Variants in REEP1 observed in about 807,000 individuals in gnomAD.
REEP1 encodes receptor expression-enhancing protein 1.
REEP1 carries 22 observed loss-of-function variants against 40.3 expected under a neutral mutation model. The ratio of observed to expected loss-of-function variants is 0.55; its 90% CI spans 0.39 to 0.78. The LOEUF is 0.78. Among genes scored for constraint, REEP1 ranks in the 30% least tolerant of loss-of-function variants. The pLI, the probability that REEP1 is intolerant of heterozygous loss-of-function variation, is 0.00. For missense variants in REEP1, 280 were observed against 361.1 expected (o/e 0.78, Z 1.82); for synonymous variants, 116 against 139.2 (o/e 0.83, Z 1.17).
At chr2:86,239,630 A>G (rs1322129931) in intron 5 of REEP1, among the ~76,000 whole-genome samples, 2 of 152,152 alleles carry the variant, frequency 1.3e-5, no homozygotes, top group Non-Finnish European at 2.9e-5. Flanking sequence ...CAGGCTCCCA[A>G]TGACATGCTG....
At chr2:86,243,958 A>C (rs2104152490) in intron 5 of REEP1, among the ~76,000 whole-genome samples, 1 of 152,326 alleles carries the variant, frequency 6.6e-6, no homozygotes. Context: ...GTAGAGACTA[A>C]AGCCAGAGAG....
chr2:86,226,099 C>CCACCATCAT (rs1674675308), intron 7 of REEP1, among the ~76,000 whole-genome samples: 1 of 145,832 alleles, frequency 6.9e-6, no homozygotes, highest in Non-Finnish European at 1.5e-5. Flanking sequence ...ACCACCACCA[C>CCACCATCAT]CACCACCACC....
chr2:86,219,268 T>A (rs1028273263), intron 8 of REEP1, among the ~76,000 whole-genome samples: 10 of 152,350 alleles, frequency 6.6e-5, no homozygotes, highest in Non-Finnish European at 1.5e-4. Context: ...TGAACAAGCC[T>A]TGTTCTTATT....
chr2:86,278,363 AT>A (rs1296371011), intron 2 of REEP1, among the ~76,000 whole-genome samples: 2 of 152,202 alleles, frequency 1.3e-5, no homozygotes, highest in African/African-American at 4.8e-5. Flanking sequence ...GGAATGCTGA[AT>A]ATTAAGGTTG....
At chr2:86,294,844 A>G (rs887232059) in intron 1 of REEP1, among the ~76,000 whole-genome samples, 13 of 152,180 alleles carry the variant, frequency 8.5e-5, no homozygotes, top group African/African-American at 3.1e-4. Flanking sequence ...AGAAATTACC[A>G]TGATTCCAGG....
intron 5 of REEP1, among the ~76,000 whole-genome samples, chr2:86,236,062 T>C (rs1259027775): frequency 6.6e-6 from 1 of 151,900 alleles, no homozygotes; most frequent in Non-Finnish European, 1.5e-5. Flanking sequence ...ACTAAAAATA[T>C]AAAATTAGCC....
chr2:86,224,211 G>A (rs1042342289), intron 7 of REEP1, among the ~76,000 whole-genome samples: 1 of 152,216 alleles, frequency 6.6e-6, no homozygotes, highest in African/African-American at 2.4e-5. Context: ...GGATCCTGGG[G>A]CTCTGCATGG....
Position 86,337,480 on chromosome 2 carries a change from C to T in REEP1, c.31G>A (p.Val11Met). 1 of 1,295,200 alleles carries T rather than the reference C, an allele frequency of 7.7e-7. No homozygotes were observed. 80.2% of individuals were successfully genotyped at this position (1,295,200 alleles called of 1,614,324 possible). ...GGCGCGGGGGAGAAGGCCACTTACA[C>T]CACCAGCCTGGAGATGATCCATGAC... Reference protein sequence around the residue: MVSWIISRLVVLIFGTLYPAY... With the variant: MVSWIISRLVMLIFGTLYPAY... Residue 11 changes from valine to methionine, a missense_variant and splice_region_variant, in exon 1 of 9, where the codon GTG (valine) becomes ATG (methionine). This residue lies in a region of REEP1 where 68 missense variants were observed against 83.7 expected (regional missense o/e 0.81). Transcript: ENST00000538924. This position sits in a 1 kb window ranked among gnomAD's most constrained non-coding sequence, Gnocchi z 5.8.
intron 1 of REEP1, among the ~76,000 whole-genome samples, chr2:86,284,803 G>C (rs1448844752): frequency 3.3e-5 from 5 of 152,206 alleles, no homozygotes; most frequent in African/African-American, 9.6e-5. Flanking sequence ...GGCAAGACAG[G>C]AAGGCCTGTG....
chr2:86,267,886 A>T (rs1022437037), intron 2 of REEP1, among the ~76,000 whole-genome samples: 2 of 152,100 alleles, frequency 1.3e-5, no homozygotes, highest in Non-Finnish European at 2.9e-5. Context: ...AAAAACGTGC[A>T]AAGGGCCCAT....
At chr2:86,231,629 G>C (rs1243994882) in intron 6 of REEP1, among the ~76,000 whole-genome samples, 2 of 152,174 alleles carry the variant, frequency 1.3e-5, no homozygotes, top group Non-Finnish European at 2.9e-5. Context: ...GCAGTCACCA[G>C]ACAGACATTG....
intron 3 of REEP1, among the ~76,000 whole-genome samples, chr2:86,255,270 CA>C (rs35237138): frequency 0.42 from 63,648 of 151,834 alleles, 14,824 homozygotes; most frequent in East Asian, 0.66. Context: ...GAAGAGTTGA[CA>C]AAAAAATCTC....
rs762772312 is a variant in REEP1 at position 86,217,064 on chromosome 2, G to T, written c.830C>A (p.Ser277Ter). The change falls in exon 9 of 9, where the codon TCA becomes TAA. Residue 277 changes from serine to a stop codon, truncating the protein, a stop_gained. Transcript: ENST00000538924. LOFTEE classifies it high-confidence loss of function. ...LRSRFRKKST[S>*]SSATETT ...TCACGTGGTTTCGGTGGCCGAGGAT[G>T]AGGTACTTTTCTTCCTGAAGCGAGA... 2.5e-6 allele frequency: 4 copies of T among 1,614,114 alleles called. No individual in the cohort carries two copies. The highest frequency in any genetic ancestry group is 4.5e-5 in the East Asian group (2 of 44,884).
Position 86,217,292 on chromosome 2 carries a change from T to C in REEP1, c.784-182A>G, listed in dbSNP as rs548797558. Among the ~76,000 whole-genome samples the C allele has an allele frequency of 2.0e-5, 3 of 152,308 alleles. No homozygotes were observed. The East Asian group carries it at 5.8e-4, about 29-fold the overall frequency. On this transcript the variant is annotated intron_variant, in intron 8 of 8. Transcript: ENST00000538924. Reference sequence around the variant, plus strand: ...AATCATCAGAGTCCCATCCCACATATCGCATGAAGCTGAGCCCTTTGAGAG... The same window carrying C: ...AATCATCAGAGTCCCATCCCACATACCGCATGAAGCTGAGCCCTTTGAGAG...
chr2:86,240,862 T>C (rs1417893799), intron 5 of REEP1, among the ~76,000 whole-genome samples: 1 of 152,226 alleles, frequency 6.6e-6, no homozygotes, highest in East Asian at 1.9e-4. Context: ...GACGGTATTT[T>C]CTAGTCTCCT....
chr2:86,282,901 A>G (rs905936167), intron 1 of REEP1, among the ~76,000 whole-genome samples: 4 of 152,148 alleles, frequency 2.6e-5, no homozygotes, highest in African/African-American at 9.7e-5. Flanking sequence ...CCTGCCTCTC[A>G]GGACCTGAAC....
intron 5 of REEP1, chr2:86,240,071 C>T (rs946154828): frequency 6.6e-6 from 1 of 152,556 alleles, no homozygotes; most frequent in Non-Finnish European, 1.5e-5. Context: ...AGTCGAGCCA[C>T]CTGATAAAGG....
intron 3 of REEP1, among the ~76,000 whole-genome samples, chr2:86,256,315 T>A (rs1397922478): frequency 6.9e-6 from 1 of 144,858 alleles, no homozygotes; most frequent in South Asian, 2.2e-4. Flanking sequence ...GCCACTGCAC[T>A]CTAGCCTGGG....
chr2:86,321,430 A>T (rs935496269), intron 1 of REEP1, among the ~76,000 whole-genome samples: 1 of 152,204 alleles, frequency 6.6e-6, no homozygotes, highest in African/African-American at 2.4e-5. Context: ...ACACTATCTC[A>T]GAGTACAGAA....
Sources: allele counts gnomAD v4.1 joint callset (sites outside exome capture counted in the v4.1 genomes callset), GRCh38; gene constraint gnomAD v4.1.1; regional missense constraint gnomAD v4.1.1; non-coding constraint Gnocchi (gnomAD v3.1); transcripts MANE v1.5; gene names NCBI Gene and HGNC (gene_info 2026-07-23, HGNC 2026-07-21).